AKAP11: variants seen among roughly 807,000 people sequenced by gnomAD.
AKAP11 encodes the protein A-kinase anchor protein 11.
Under a neutral mutation model 146.1 loss-of-function variants are expected in AKAP11, and 36 were observed. The ratio of observed to expected loss-of-function variants is 0.25; its 90% CI spans 0.19 to 0.33. The LOEUF (loss-of-function observed/expected upper bound fraction) is 0.33, where lower values mean the gene tolerates loss of function less well. Ranked by LOEUF, AKAP11 falls within the 10% of genes least tolerant of loss-of-function variation. The pLI, the probability that AKAP11 is intolerant of heterozygous loss-of-function variation, is 1.00. For synonymous variants in AKAP11, 780 were observed against 786.5 expected, an observed-to-expected ratio of 0.99 and a Z score of 0.14; for missense variants, 2,201 against 2,197.0, an observed-to-expected ratio of 1.00 and a Z score of -0.04.
intron 4 of AKAP11, among the ~76,000 whole-genome samples, chr13:42,293,027 C>A (rs1198476531): frequency 6.6e-6 from 1 of 152,120 alleles, no homozygotes; most frequent in Non-Finnish European, 1.5e-5. Context: ...TGTTTCAAAT[C>A]TTTGTTTGAA....
At chr13:42,315,096 AAAT>A (rs1314362108) in intron 11 of AKAP11, among the ~76,000 whole-genome samples, 1 of 152,198 alleles carries the variant, frequency 6.6e-6, no homozygotes, top group Non-Finnish European at 1.5e-5. Flanking sequence ...GATGTTTTAA[AAAT>A]TGCTTCTCTA....
chr13:42,273,291 A>G (rs1171251990), intron 1 of AKAP11, among the ~76,000 whole-genome samples: 1 of 152,160 alleles, frequency 6.6e-6, no homozygotes, highest in Non-Finnish European at 1.5e-5. Context: ...TTTTAATGTC[A>G]TCATTTTAGG....
chr13:42,292,269 G>A (rs949154701), intron 3 of AKAP11, 116 bp from the exon 4 acceptor site: 1 of 492,866 alleles, frequency 2.0e-6, no homozygotes, highest in Non-Finnish European at 3.6e-6. Context: ...AGTATCAAAA[G>A]GTGCCAGTGA....
chr13:42,304,995 C>T (rs1594346104), intron 8 of AKAP11, among the ~76,000 whole-genome samples: 2 of 152,160 alleles, frequency 1.3e-5, no homozygotes, highest in East Asian at 3.9e-4. Flanking sequence ...AGGTGATCTG[C>T]CCACCTCAGC....
In AKAP11 at chr13:42,286,368, A is replaced by G. The variant is rs1281403478; in HGVS notation, c.20A>G (p.Asn7Ser). 1 of 1,602,594 alleles carries G rather than the reference A, an allele frequency of 6.2e-7. No homozygotes were observed. Among genetic ancestry groups the G allele is most frequent in the South Asian group, 1.1e-5 (1 of 88,482 alleles). The change falls in exon 3 of 13, where the codon AAT becomes AGT. Residue 7 changes from asparagine (N) to serine (S), a missense_variant. Asn to Ser is a conservative substitution (Grantham distance 46). Transcript: ENST00000025301. ...ATAGTTATGGCGACTTTCAGAAACA[A>G]TCACATGAAGACTAAAGCATCTGTC... MATFRNNHMKTKASVRK... is the reference protein window; with the variant it reads MATFRNSHMKTKASVRK...
At chr13:42,314,274 A>G (rs536847526) in intron 11 of AKAP11, among the ~76,000 whole-genome samples, 1,557 of 152,134 alleles carry the variant, frequency 0.01, 9 homozygotes, top group Non-Finnish European at 0.018. Flanking sequence ...GTGAAACCCC[A>G]TCTCTACTGA....
chr13:42,281,598 G>A (rs191215586), intron 1 of AKAP11, among the ~76,000 whole-genome samples: 7 of 152,168 alleles, frequency 4.6e-5, no homozygotes, highest in Admixed American at 1.3e-4. Context: ...AAGAATTTAT[G>A]TTCATTCAGA....
rs1345741060 is a variant in AKAP11, at chr13:42,297,083, T to C, written c.252T>C (p.Ile84=). ...CAGTTTCTTTGGAACTTCCAGATAT[T>C]CTGAATTCACTCCACTTCTGCAGTC... ...LAAVSLELPD[I]LNSLHFCSLN... The change falls in exon 6 of 13, where the codon ATT becomes ATC. Residue 84 remains isoleucine (I), a synonymous_variant. Coordinates refer to ENST00000025301, the MANE Select transcript of AKAP11 (RefSeq NM_016248.4). 6.3e-7 allele frequency: 1 copy of C among 1,591,832 alleles called. No individual in the cohort carries two copies. The highest frequency in any genetic ancestry group is 1.4e-5 in the African/African-American group (1 of 73,382).
chr13:42,307,974 T>G (rs1285896166), intron 8 of AKAP11, among the ~76,000 whole-genome samples: 1 of 152,218 alleles, frequency 6.6e-6, no homozygotes, highest in Non-Finnish European at 1.5e-5. Flanking sequence ...GGTTATGATC[T>G]ATGTTCAAAA....
In AKAP11 at chr13:42,321,396, A is replaced by G. The variant is rs531144181; in HGVS notation, c.*2168A>G. On this transcript the variant is annotated 3_prime_UTR_variant, in exon 13 of 13. Transcript: ENST00000025301. ...CAGCATTTGCTTATTTAACCACTAC[A>G]TAATGACAGACCAGTTATTAGGTAT... 1.4e-4 allele frequency: 22 copies of G among 152,474 alleles called. No individual in the cohort carries two copies. Among genetic ancestry groups the G allele is most frequent in the African/African-American group, 5.3e-4 (22 of 41,572 alleles). 9.4% of individuals were successfully genotyped at this position (152,474 alleles called of 1,614,324 possible).
rs3038992 is a variant in AKAP11, at chr13:42,319,906, GGTGTGTGTGTGTGTGT to G, written c.*707_*722del. 7.5e-5 allele frequency: 10 copies of G among 132,662 alleles called. No individual in the cohort carries two copies. The highest frequency in any genetic ancestry group is 7.0e-4 in the East Asian group (3 of 4,264). The allele number at this position is 132,662 out of a possible 1,614,324, so 8.2% of individuals were successfully genotyped here. A position where few individuals can be genotyped will look rare whatever the true frequency, so the allele number is the denominator to read the frequency against. The stretch of plus-strand genomic sequence containing the variant: ...TGCTGCCAGTCATTCTGGCATGAAA[GGTGTGTGTGTGTGTGT>G]GTGTGTGTGTGTGTGTGTGTGTGTG... On this transcript the variant is annotated 3_prime_UTR_variant, in exon 13 of 13. Transcript: ENST00000025301.
chr13:42,275,353 TCA>T (rs1329400375), intron 1 of AKAP11, among the ~76,000 whole-genome samples: 1 of 152,244 alleles, frequency 6.6e-6, no homozygotes, highest in Non-Finnish European at 1.5e-5. Context: ...TCTCCAAGTC[TCA>T]GTTATGTTTC....
At chr13:42,314,896 T>A (rs1431634425) in intron 11 of AKAP11, among the ~76,000 whole-genome samples, 1 of 152,188 alleles carries the variant, frequency 6.6e-6, no homozygotes, top group Non-Finnish European at 1.5e-5. Flanking sequence ...TTAGAGTATC[T>A]GAGTTTATTC....
In AKAP11 at chr13:42,303,807, C is replaced by G. The variant is rs1014045572; in HGVS notation, c.5061C>G (p.Ser1687Arg). Residue 1687 changes from serine to arginine, a missense_variant, in exon 8 of 13, where the codon AGC becomes AGG. Transcript: ENST00000025301. ...AGGAGGGTGCCAGCTTTGCTGAAAG[C>G]CTTGCCACAGAAACCATGACAGCAG... ...IGQEGASFAE[S>R]LATETMTAAV... is the part of the protein sequence containing the mutation. 4 of 1,607,704 alleles carry G rather than the reference C, an allele frequency of 2.5e-6. No homozygotes were observed. The African/African-American group carries it at 4.0e-5, about 16-fold the overall frequency.
chr13:42,296,996 T>C, intron 5 of AKAP11, 52 bp from the exon 6 acceptor site: 2 of 1,505,448 alleles, frequency 1.3e-6, no homozygotes. Context: ...TATAGGAACC[T>C]TAACAAAAGT....
chr13:42,311,532 A>T (rs779237630), intron 9 of AKAP11, among the ~76,000 whole-genome samples: 8 of 152,176 alleles, frequency 5.3e-5, no homozygotes, highest in Non-Finnish European at 1.0e-4. Flanking sequence ...ATTTGGAGGC[A>T]CAAAGAGGGA....
In AKAP11 at chr13:42,320,540, AC is replaced by A. The variant is rs1961045534; in HGVS notation, c.*1314del. ...CTCCCCCCTCCTCCCACTGTCTCTC[AC>A]CTCCCCCACCCCCCACTCTCTCTCA... is the stretch of plus-strand genomic sequence containing the variant. On this transcript the variant is annotated 3_prime_UTR_variant, in exon 13 of 13. Transcript: ENST00000025301. The A allele has an allele frequency of 3.4e-5, 1 of 29,396 alleles. No homozygotes were observed. The highest frequency in any genetic ancestry group is 1.4e-4 in the African/African-American group (1 of 7,380). The allele number at this position is 29,396 out of a possible 1,614,324, so 1.8% of individuals were successfully genotyped here.
chr13:42,320,846 T>C lies in AKAP11; in HGVS notation c.*1618T>C, dbSNP rs1434521259. 2 of 152,320 alleles carry C rather than the reference T, an allele frequency of 1.3e-5. No individual in the cohort carries two copies. The highest frequency in any genetic ancestry group is 4.8e-5 in the African/African-American group (2 of 41,438). The allele number at this position is 152,320 out of a possible 1,614,324, so 9.4% of individuals were successfully genotyped here. ...TATAGAAATGTTTTATAGTGAAAGA[T>C]TCAAATTTGCTTTTCAAGAAAAATG... is the stretch of plus-strand genomic sequence containing the variant. On this transcript the variant is annotated 3_prime_UTR_variant, in exon 13 of 13. Transcript: ENST00000025301.
rs749993203 is a variant in AKAP11, at chr13:42,300,608, G to A, written c.1862G>A (p.Ser621Asn). ...AGTGGCCTGGCTAACTTTTTGGTGA[G>A]TGAAGCTTTATCAAATGCCTTAAAA... is the stretch of plus-strand genomic sequence containing the variant. The part of the protein sequence containing the change: ...AISGLANFLV[S>N]EALSNALKDL... The change falls in exon 8 of 13, where the codon AGT becomes AAT. Residue 621 changes from serine (S) to asparagine (N), a missense_variant. Ser to Asn is a conservative substitution (Grantham distance 46). Coordinates refer to ENST00000025301, the MANE Select transcript of AKAP11 (RefSeq NM_016248.4). 3 of 1,613,950 alleles carry A rather than the reference G, an allele frequency of 1.9e-6. No individual in the cohort carries two copies. The East Asian group carries it at 6.7e-5, about 36-fold the overall frequency.
Sources: gnomAD v4.1 joint callset for allele counts (sites outside exome capture counted in the v4.1 genomes callset) on GRCh38, gnomAD v4.1.1 for gene constraint, MANE v1.5 for transcripts, NCBI Gene and HGNC (gene_info 2026-07-23, HGNC 2026-07-21) for gene names.